The following SGCD variants were observed in gnomAD, a reference collection of about 807,000 sequenced individuals.
The protein encoded by SGCD is delta-sarcoglycan.
A neutral mutation model predicts 36.6 loss-of-function variants in SGCD; 18 were observed. The observed-to-expected ratio is 0.49, with a 90% CI of 0.34 to 0.73. The LOEUF is 0.73. Among genes scored for constraint, SGCD ranks in the 30% least tolerant of loss-of-function variants. The pLI, the probability that SGCD is intolerant of heterozygous loss-of-function variation, is 0.01. For synonymous variants in SGCD, 133 were observed against 130.6 expected, an observed-to-expected ratio of 1.02 and a Z score of -0.12; for missense variants, 387 against 346.7, an observed-to-expected ratio of 1.12 and a Z score of -0.92.
chr5:156,655,108 A>T (rs987281186), intron 7 of SGCD, among the ~76,000 whole-genome samples: 1 of 152,042 alleles, frequency 6.6e-6, no homozygotes, highest in Non-Finnish European at 1.5e-5. Context: ...TCTTGGTCTT[A>T]CTTGTCAATA....
rs118089877 is a variant in SGCD at position 155,965,875 on chromosome 5, G to A, written c.-282+95451G>A. 1.0e-3 allele frequency among the ~76,000 whole-genome samples: 153 copies of A among 152,016 alleles called. No homozygotes were observed. In the East Asian group the frequency reaches 0.016, roughly 16 times the overall value. ...CTTTTGTGTTTATCTTTATTCCTGC[G>A]TTCGTCCCCCTTTGTTCAGTCCAAC... On this transcript the variant is annotated intron_variant, in intron 1 of 9. Transcript: ENST00000517913.
chr5:156,197,357 T>C (rs1232365139), intron 3 of SGCD, among the ~76,000 whole-genome samples: 1 of 152,172 alleles, frequency 6.6e-6, no homozygotes, highest in Non-Finnish European at 1.5e-5. Context: ...ATTTAAAATA[T>C]TTCTCACCTA....
chr5:156,237,546 A>T (rs1205360231), intron 3 of SGCD, among the ~76,000 whole-genome samples: 1 of 152,176 alleles, frequency 6.6e-6, no homozygotes, highest in Non-Finnish European at 1.5e-5. Flanking sequence ...AATCGGTTGA[A>T]ACCAGAAGGC....
Position 156,583,763 on chromosome 5 carries a change from C to T in SGCD, c.295-5468C>T, listed in dbSNP as rs1292151367. ...ATTGGTACAAGAATAGATAAATAGA[C>T]AATAAGACAGCCTACAAGTCTGAGT... On this transcript the variant is annotated intron_variant, in intron 4 of 8. Coordinates refer to ENST00000337851, the MANE Select transcript of SGCD (RefSeq NM_000337.6). 5.9e-5 allele frequency among the ~76,000 whole-genome samples: 9 copies of T among 152,238 alleles called. No homozygotes were observed. The East Asian group carries it at 1.7e-3, about 29-fold the overall frequency.
At chr5:155,759,337 TTCTC>T in the SGCD span, among the ~76,000 whole-genome samples, 1 of 152,104 alleles carries the variant, frequency 6.6e-6, no homozygotes, top group African/African-American at 2.4e-5. Context: ...CACCATCCCC[TTCTC>T]TCTCTCTCAC....
chr5:155,865,249 A>G, the SGCD span, among the ~76,000 whole-genome samples: 1 of 149,448 alleles, frequency 6.7e-6, no homozygotes, highest in African/African-American at 2.4e-5. Flanking sequence ...AGTATATTTT[A>G]TAAAAATACT....
rs181380367 is a variant in SGCD at position 156,602,501 on chromosome 5, C to T, written c.502+7450C>T. Reference sequence around the variant, plus strand: ...ACAACTTCCTGTACTTCGTTGAATACAAGTGGTGAGAGTGGGCATTCTTGT... The same window carrying T: ...ACAACTTCCTGTACTTCGTTGAATATAAGTGGTGAGAGTGGGCATTCTTGT... On this transcript the variant is annotated intron_variant, in intron 6 of 8. Transcript: ENST00000337851. 1.3e-3 allele frequency among the ~76,000 whole-genome samples: 197 copies of T among 152,182 alleles called. 1 individual carries two copies. Among genetic ancestry groups the T allele is most frequent in the African/African-American group, 4.5e-3 (186 of 41,516 alleles).
At chr5:156,730,911 T>C (rs141132644) in intron 7 of SGCD, among the ~76,000 whole-genome samples, 267 of 152,266 alleles carry the variant, frequency 1.8e-3, no homozygotes, top group African/African-American at 5.8e-3. Context: ...GTATCTATTA[T>C]TTATTTTTTG....
chr5:156,114,389 T>C (rs1761862130), intron 1 of SGCD, among the ~76,000 whole-genome samples: 1 of 152,144 alleles, frequency 6.6e-6, no homozygotes, highest in Non-Finnish European at 1.5e-5. Flanking sequence ...GCCACAACTC[T>C]TTATATATCC....
chr5:155,931,322 A>C (rs1309359883), intron 1 of SGCD, among the ~76,000 whole-genome samples: 3 of 152,164 alleles, frequency 2.0e-5, no homozygotes, highest in Non-Finnish European at 4.4e-5. Flanking sequence ...CAACCATTGA[A>C]GTAAGTATTT....
At chr5:156,304,651 A>G (rs1249197288) in intron 3 of SGCD, among the ~76,000 whole-genome samples, 2 of 152,228 alleles carry the variant, frequency 1.3e-5, no homozygotes, top group Admixed American at 1.3e-4. Flanking sequence ...AAATGTGGAA[A>G]AGACTTTGGA....
the SGCD span, among the ~76,000 whole-genome samples, chr5:155,792,317 T>C: frequency 1.3e-5 from 2 of 150,954 alleles, no homozygotes; most frequent in African/African-American, 4.9e-5. Context: ...ACCTAGGAAA[T>C]ACCTTTCTCA....
At chr5:155,797,873 TC>T in the SGCD span, among the ~76,000 whole-genome samples, 3 of 152,212 alleles carry the variant, frequency 2.0e-5, no homozygotes, top group Non-Finnish European at 4.4e-5. Flanking sequence ...TATTGAGTTG[TC>T]CCAATTAGCA....
chr5:156,122,843 T>TAAAAAAAAAA lies in SGCD; in HGVS notation c.-207-981_-207-972dup, dbSNP rs33983852. ...ACCAGCATGGTAGTAAAAGATGTGG[T>TAAAAAAAAAA]AAAAAAAAAAAAAAAAAAAAAAAAA... is the stretch of plus-strand genomic sequence containing the variant. On this transcript the variant is annotated intron_variant, in intron 2 of 9. Coordinates refer to the SGCD transcript ENST00000517913. Among the ~76,000 whole-genome samples, 31 of 54,166 alleles carry TAAAAAAAAAA rather than the reference T, an allele frequency of 5.7e-4. 6 individuals carry two copies. The highest frequency in any genetic ancestry group is 8.1e-4 in the African/African-American group (10 of 12,346). The allele number at this position is 54,166 out of a possible 152,430, so 35.5% of individuals were successfully genotyped here.
the SGCD span, among the ~76,000 whole-genome samples, chr5:155,839,952 A>T: frequency 3.0e-3 from 389 of 131,634 alleles, 1 homozygote; most frequent in Non-Finnish European, 4.4e-3. Flanking sequence ...TTTTTTTTTT[A>T]AATCCCTGGT....
At chr5:155,826,290 T>A in the SGCD span, among the ~76,000 whole-genome samples, 2 of 152,358 alleles carry the variant, frequency 1.3e-5, no homozygotes, top group South Asian at 4.1e-4. Flanking sequence ...CATAATCTAT[T>A]TTCTACTCAG....
intron 3 of SGCD, among the ~76,000 whole-genome samples, chr5:156,303,010 G>A (rs1047271177): frequency 1.3e-5 from 2 of 152,210 alleles, no homozygotes; most frequent in African/African-American, 4.8e-5. Flanking sequence ...GCATTCTTCA[G>A]TCAGCAGGTG....
At chr5:155,782,786 T>A in the SGCD span, among the ~76,000 whole-genome samples, 1 of 152,156 alleles carries the variant, frequency 6.6e-6, no homozygotes, top group South Asian at 2.1e-4. Context: ...GTGAGGGACC[T>A]AGGTTGTGTG....
chr5:156,528,478 G>A (rs895619278), intron 4 of SGCD, among the ~76,000 whole-genome samples: 2 of 152,048 alleles, frequency 1.3e-5, no homozygotes, highest in Non-Finnish European at 2.9e-5. Context: ...TGAATGAATG[G>A]ATGTTCTCTT....
Sources: allele counts gnomAD v4.1 joint callset (sites outside exome capture counted in the v4.1 genomes callset), GRCh38; gene constraint gnomAD v4.1.1; transcripts MANE v1.5; gene names NCBI Gene and HGNC (gene_info 2026-07-23, HGNC 2026-07-21).